The following NAV3 variants were observed in gnomAD, a reference collection of about 807,000 sequenced individuals.
NAV3 encodes the protein pore membrane and/or filament interacting like protein 1.
NAV3 carries 87 observed loss-of-function variants against 244.7 expected under a neutral mutation model. That is an observed-to-expected ratio of 0.36 (90% CI 0.30 to 0.42). The LOEUF (loss-of-function observed/expected upper bound fraction) is 0.42, where lower values mean the gene tolerates loss of function less well. NAV3 is among the 20% of genes least tolerant of loss of function. NAV3 has a pLI of 1.00. For missense variants in NAV3, 2,663 were observed against 2,893.3 expected (o/e 0.92, Z 1.83); for synonymous variants, 1,126 against 1,042.2 (o/e 1.08, Z -1.55).
chr12:77,749,147 C>A (rs889264946), intron 2 of NAV3, among the ~76,000 whole-genome samples: 1 of 152,128 alleles, frequency 6.6e-6, no homozygotes, highest in Non-Finnish European at 1.5e-5. Context: ...TTACCCAGAA[C>A]TACTGGAAAG....
intron 2 of NAV3, among the ~76,000 whole-genome samples, chr12:77,613,243 A>C (rs1870999976): frequency 6.6e-6 from 1 of 152,204 alleles, no homozygotes; most frequent in African/African-American, 2.4e-5. Flanking sequence ...CAATGAGTGC[A>C]TTTTATGCAC....
chr12:78,181,524 A>G (rs1456295132), intron 30 of NAV3, among the ~76,000 whole-genome samples: 2 of 152,066 alleles, frequency 1.3e-5, no homozygotes, highest in Non-Finnish European at 2.9e-5. Flanking sequence ...AACAAAGATA[A>G]AGAACACAGT....
intron 2 of NAV3, among the ~76,000 whole-genome samples, chr12:77,694,140 G>A (rs1213924882): frequency 2.6e-5 from 4 of 151,646 alleles, no homozygotes; most frequent in African/African-American, 9.7e-5. Flanking sequence ...ATATCATCAT[G>A]GCCAATAATT....
At chr12:78,093,643 A>G (rs573842907) in intron 12 of NAV3, among the ~76,000 whole-genome samples, 88 of 151,284 alleles carry the variant, frequency 5.8e-4, no homozygotes, top group African/African-American at 1.9e-3. Flanking sequence ...ACTCTGGGGG[A>G]AAAAAAAAGT....
intron 2 of NAV3, among the ~76,000 whole-genome samples, chr12:77,735,418 C>A (rs992024254): frequency 1.3e-5 from 2 of 152,062 alleles, no homozygotes; most frequent in African/African-American, 4.8e-5. Flanking sequence ...GGTCACTGCT[C>A]ACACTAGGAG....
intron 12 of NAV3, among the ~76,000 whole-genome samples, chr12:78,105,658 T>A (rs2138293995): frequency 6.6e-6 from 1 of 152,158 alleles, no homozygotes; most frequent in Non-Finnish European, 1.5e-5. Flanking sequence ...TTCTATCACA[T>A]TTTAGCAAAC....
intron 2 of NAV3, among the ~76,000 whole-genome samples, chr12:77,782,795 A>G (rs936719618): frequency 3.3e-5 from 5 of 152,234 alleles, no homozygotes; most frequent in African/African-American, 1.2e-4. Context: ...TCATGTTGCT[A>G]TTATACTAGA....
chr12:77,816,392 G>A (rs1016921630), intron 2 of NAV3, among the ~76,000 whole-genome samples: 39 of 152,274 alleles, frequency 2.6e-4, no homozygotes, highest in African/African-American at 8.7e-4. Context: ...AGTTTGAATA[G>A]GATTGGTATT....
At chr12:77,857,097 A>T (rs949487317) in intron 1 of NAV3, among the ~76,000 whole-genome samples, 16 of 152,226 alleles carry the variant, frequency 1.1e-4, no homozygotes, top group African/African-American at 3.1e-4. Flanking sequence ...TTTCTGATAA[A>T]TTTGGAGGGG....
chr12:78,140,866 A>T (rs1046492248), intron 20 of NAV3, among the ~76,000 whole-genome samples: 1 of 150,770 alleles, frequency 6.6e-6, no homozygotes, highest in Admixed American at 6.6e-5. Flanking sequence ...GATTTTTTTA[A>T]CTTTTATTTT....
At chr12:77,921,800 A>G (rs1042065652) in intron 1 of NAV3, among the ~76,000 whole-genome samples, 1 of 152,122 alleles carries the variant, frequency 6.6e-6, no homozygotes, top group Admixed American at 6.6e-5. Context: ...CTGAAAATGT[A>G]TGGGTATTGT....
At chr12:77,672,085 A>T (rs1874004346) in intron 2 of NAV3, among the ~76,000 whole-genome samples, 1 of 152,198 alleles carries the variant, frequency 6.6e-6, no homozygotes, top group East Asian at 1.9e-4. Context: ...CCCATCAAAA[A>T]ATGGGCTAAG....
chr12:77,711,049 GC>G (rs1218285168), intron 2 of NAV3, among the ~76,000 whole-genome samples: 2 of 152,154 alleles, frequency 1.3e-5, no homozygotes, highest in African/African-American at 4.8e-5. Context: ...ATGTCACTTT[GC>G]ACTTCTCAAA....
At chr12:77,984,911 G>A (rs939604137) in intron 5 of NAV3, among the ~76,000 whole-genome samples, 1 of 151,984 alleles carries the variant, frequency 6.6e-6, no homozygotes. Flanking sequence ...CCACCTCCTG[G>A]GTTCAAGCGA....
chr12:78,090,974 G>C (rs1179630914), intron 12 of NAV3, among the ~76,000 whole-genome samples: 1 of 151,380 alleles, frequency 6.6e-6, no homozygotes, highest in African/African-American at 2.4e-5. Context: ...GTGTGTGTGT[G>C]TGTGTGTGTG....
intron 9 of NAV3, among the ~76,000 whole-genome samples, chr12:78,024,705 C>T (rs550764870): frequency 7.9e-5 from 12 of 152,244 alleles, no homozygotes; most frequent in South Asian, 4.1e-4. Flanking sequence ...TGGCCGGGTG[C>T]GGTGTCTCAC....
intron 2 of NAV3, among the ~76,000 whole-genome samples, chr12:77,646,270 A>G (rs1872600867): frequency 6.6e-6 from 1 of 152,178 alleles, no homozygotes; most frequent in African/African-American, 2.4e-5. Flanking sequence ...AATAGGAAGC[A>G]GCTGCAATTT....
rs4414266 is a variant in NAV3, at chr12:78,084,372, C to G, written c.2636+25257C>G. On this transcript the variant is annotated intron_variant, in intron 12 of 39. Transcript: ENST00000397909. The stretch of plus-strand genomic sequence containing the variant: ...AGTTAAATATCCAAGGCTAAACCCT[C>G]CAGTTAGGCACTGGATCCCATTCCC... Among the ~76,000 whole-genome samples the G allele has an allele frequency of 7.1e-3, 1,078 of 152,098 alleles. 11 individuals are homozygous for G. The highest frequency in any genetic ancestry group is 0.024 in the African/African-American group (984 of 41,412).
intron 13 of NAV3, 89 bp downstream of exon 13, chr12:78,116,993 C>A (rs2138526761): frequency 1.4e-6 from 2 of 1,402,358 alleles, no homozygotes; most frequent in Non-Finnish European, 1.9e-6. Flanking sequence ...AGCACAAGCC[C>A]TTAATCCAAA....
Sources: allele counts gnomAD v4.1 joint callset (sites outside exome capture counted in the v4.1 genomes callset), GRCh38; gene constraint gnomAD v4.1.1; transcripts MANE v1.5; gene names NCBI Gene and HGNC (gene_info 2026-07-23, HGNC 2026-07-21).